SHROOM4: variants seen among roughly 807,000 people sequenced by gnomAD.
The protein encoded by SHROOM4 is protein Shroom4.
Under a neutral mutation model 80.3 loss-of-function variants are expected in SHROOM4, and 17 were observed. The ratio of observed to expected loss-of-function variants is 0.21; its 90% CI spans 0.14 to 0.32. SHROOM4 has a LOEUF of 0.32. SHROOM4 is among the 10% of genes least tolerant of loss of function. The probability of loss-of-function intolerance (pLI) is 1.00; values close to 1 mark genes in which losing one functional copy is unlikely to be tolerated. For missense variants in SHROOM4, 993 were observed against 1,140.3 expected, an observed-to-expected ratio of 0.87 and a Z score of 1.86; for synonymous variants, 400 against 437.5, an observed-to-expected ratio of 0.91 and a Z score of 1.07.
intron 1 of SHROOM4, among the ~76,000 whole-genome samples, chrX:50,762,523 A>C (rs1428135004): frequency 1.8e-5 from 2 of 112,368 alleles, no homozygotes; most frequent in African/African-American, 6.5e-5. Flanking sequence ...TTACTGTGTG[A>C]CATCACTTCC....
At chrX:50,614,518 A>C (rs1557250437) in intron 5 of SHROOM4, among the ~76,000 whole-genome samples, 2 of 112,754 alleles carry the variant, frequency 1.8e-5, no homozygotes, top group Non-Finnish European at 3.8e-5. Flanking sequence ...CCTCACTTAA[A>C]ATTTAAAAAA....
At chrX:50,649,934 G>A (rs1557258437) in intron 2 of SHROOM4, among the ~76,000 whole-genome samples, 1 of 112,275 alleles carries the variant, frequency 8.9e-6, no homozygotes, top group African/African-American at 3.2e-5. Flanking sequence ...TTATGTACTT[G>A]AAGTGTCTTC....
rs1206674710 is a variant in SHROOM4, at chrX:50,618,411, C to T, written c.2957+9203G>A. On this transcript the variant is annotated intron_variant, in intron 5 of 8. Coordinates refer to ENST00000376020, the MANE Select transcript of SHROOM4 (RefSeq NM_020717.5). Reference sequence around the variant, plus strand: ...TCCTTCCTTCCTTCCTTCCTTCCTTCCTTCCTTCCTTTCTTATTTTTGAGA... The same window carrying T: ...TCCTTCCTTCCTTCCTTCCTTCCTTTCTTCCTTCCTTTCTTATTTTTGAGA... Among the ~76,000 whole-genome samples, 114 of 86,366 alleles carry T rather than the reference C, an allele frequency of 1.3e-3. 6 individuals carry two copies. The highest frequency in any genetic ancestry group is 4.7e-3 in the African/African-American group (105 of 22,478). 75.0% of individuals were successfully genotyped at this position (86,366 alleles called of 115,157 possible). A position where few individuals can be genotyped will look rare whatever the true frequency, so the allele number is the denominator to read the frequency against.
chrX:50,707,601 T>G (rs962947855), intron 1 of SHROOM4, among the ~76,000 whole-genome samples: 1 of 110,851 alleles, frequency 9.0e-6, no homozygotes, highest in Non-Finnish European at 1.9e-5. Flanking sequence ...CAGCTAACGC[T>G]TCAATCAAAC....
intron 6 of SHROOM4, 109 bp downstream of exon 6, chrX:50,607,272 C>T (rs1929707448): frequency 1.3e-5 from 10 of 795,212 alleles, no homozygotes; most frequent in Non-Finnish European, 1.9e-5. Flanking sequence ...AGGCTGGGAG[C>T]AGTTTAACTG....
At chrX:50,739,658 C>T (rs1309105929) in intron 1 of SHROOM4, among the ~76,000 whole-genome samples, 2,623 of 100,737 alleles carry the variant, frequency 0.026, 89 homozygotes, top group African/African-American at 0.089. Context: ...GTTAGAATGG[C>T]GATCATTAAA....
intron 1 of SHROOM4, among the ~76,000 whole-genome samples, chrX:50,811,777 TG>T (rs1433147101): frequency 9.0e-6 from 1 of 111,467 alleles, no homozygotes; most frequent in African/African-American, 3.3e-5. Flanking sequence ...TTGGGAGGAA[TG>T]GGAGAAATAA....
intron 2 of SHROOM4, among the ~76,000 whole-genome samples, chrX:50,681,219 G>T (rs1413888856): frequency 2.7e-5 from 3 of 111,098 alleles, no homozygotes; most frequent in Non-Finnish European, 5.7e-5. Context: ...AGCAGCCACG[G>T]TGATCATCTA....
At chrX:50,760,313 T>C (rs6614572) in intron 1 of SHROOM4, among the ~76,000 whole-genome samples, 13,654 of 100,602 alleles carry the variant, frequency 0.14, 1,784 homozygotes, top group African/African-American at 0.4. Flanking sequence ...ATAAAATATT[T>C]ATTTTTTATC....
intron 1 of SHROOM4, among the ~76,000 whole-genome samples, chrX:50,775,171 A>G (rs1935478052): frequency 9.0e-6 from 1 of 111,593 alleles, no homozygotes; most frequent in South Asian, 3.8e-4. Flanking sequence ...GAGTTTAGAC[A>G]GCAGATACCA....
At chrX:50,664,964 A>C (rs1343118367) in intron 2 of SHROOM4, among the ~76,000 whole-genome samples, 1 of 108,115 alleles carries the variant, frequency 9.2e-6, no homozygotes, top group Non-Finnish European at 1.9e-5. Flanking sequence ...CTTTGGGGAC[A>C]ATTTAAACCT....
At chrX:50,692,378 T>C (rs1170270739) in intron 2 of SHROOM4, among the ~76,000 whole-genome samples, 1 of 112,132 alleles carries the variant, frequency 8.9e-6, no homozygotes, top group Non-Finnish European at 1.9e-5. Context: ...ACCATTCTGA[T>C]GCTCTCCCAA....
At chrX:50,650,778 T>G (rs1557258607) in intron 2 of SHROOM4, among the ~76,000 whole-genome samples, 1 of 112,616 alleles carries the variant, frequency 8.9e-6, no homozygotes, top group African/African-American at 3.2e-5. Context: ...ATTATACTGG[T>G]GATTTCACTT....
In SHROOM4 at chrX:50,813,869, GGC is replaced by G. The variant is rs781798846; in HGVS notation, c.117+31_117+32del. 6 of 1,071,690 alleles carry G rather than the reference GGC, an allele frequency of 5.6e-6. No homozygotes were observed. In the East Asian group the frequency reaches 1.8e-4, roughly 33 times the overall value. 88.3% of individuals were successfully genotyped at this position (1,071,690 alleles called of 1,213,427 possible). ...GCACCCGCTTGTCCATTCAAAGTTA[GGC>G]GCCGTTAGGACATCAGCCGCCAGTT... On this transcript the variant is annotated intron_variant, in intron 1 of 8. Transcript: ENST00000376020.
chrX:50,687,034 T>C (rs1381206762), intron 2 of SHROOM4: 1 of 112,130 alleles, frequency 8.9e-6, no homozygotes, highest in Non-Finnish European at 1.9e-5. Context: ...TTGCCTACCA[T>C]GTTTGTTGGC....
intron 1 of SHROOM4, among the ~76,000 whole-genome samples, chrX:50,766,575 G>T (rs1230673810): frequency 9.0e-6 from 1 of 110,828 alleles, no homozygotes; most frequent in Non-Finnish European, 1.9e-5. Context: ...TTCCAGATGG[G>T]CCCAAAAATT....
intron 1 of SHROOM4, among the ~76,000 whole-genome samples, chrX:50,779,105 T>C (rs1329686243): frequency 1.2e-4 from 14 of 112,131 alleles, no homozygotes; most frequent in Non-Finnish European, 2.6e-4. Flanking sequence ...ATCATAAATA[T>C]AGAATTGTTC....
At chrX:50,599,761 C>T (rs1929308007) in intron 7 of SHROOM4, among the ~76,000 whole-genome samples, 1 of 111,734 alleles carries the variant, frequency 8.9e-6, no homozygotes, top group Non-Finnish European at 1.9e-5. Context: ...CTCTGCCCCT[C>T]CCCTCCCTCA....
In SHROOM4 at chrX:50,626,338, G is replaced by A. The variant is rs1489800483; in HGVS notation, c.2957+1276C>T. ...ACCACGTGCTGCCCCCTTACCAGGTGCCAGGTGCTTCTTAAGCCCTGTATT... is the reference window on the plus strand; with the variant it reads ...ACCACGTGCTGCCCCCTTACCAGGTACCAGGTGCTTCTTAAGCCCTGTATT... On this transcript the variant is annotated intron_variant, in intron 5 of 8. Coordinates refer to ENST00000376020, the MANE Select transcript of SHROOM4 (RefSeq NM_020717.5). Among the ~76,000 whole-genome samples the A allele has an allele frequency of 1.8e-5, 2 of 112,132 alleles. 1 individual carries two copies. Among genetic ancestry groups the A allele is most frequent in the Admixed American group, 1.9e-4 (2 of 10,643 alleles).
Sources: gnomAD v4.1 joint callset for allele counts (sites outside exome capture counted in the v4.1 genomes callset) on GRCh38, gnomAD v4.1.1 for gene constraint, MANE v1.5 for transcripts, NCBI Gene and HGNC (gene_info 2026-07-23, HGNC 2026-07-21) for gene names.